The following PROM1 variants were observed in gnomAD, a reference collection of about 807,000 sequenced individuals.
The protein encoded by PROM1 is prominin-1.
PROM1 carries 105 observed loss-of-function variants against 116.9 expected under a neutral mutation model. The observed-to-expected ratio is 0.90, with a 90% CI of 0.77 to 1.06. The LOEUF (loss-of-function observed/expected upper bound fraction) is 1.06, where lower values mean the gene tolerates loss of function less well. Ranked by LOEUF, PROM1 falls within the 50% of genes least tolerant of loss-of-function variation. The pLI is 0.00. For missense variants in PROM1, 1,122 were observed against 1,045.2 expected (o/e 1.07, Z -1.01); for synonymous variants, 393 against 387.0 (o/e 1.02, Z -0.18).
chr4:16,001,148 T>A (rs1048531601), intron 13 of PROM1, among the ~76,000 whole-genome samples: 1 of 151,858 alleles, frequency 6.6e-6, no homozygotes. Flanking sequence ...TGGTGGATGA[T>A]GGAGATGTAA....
intron 2 of PROM1, among the ~76,000 whole-genome samples, chr4:16,044,861 GA>G: frequency 6.6e-6 from 1 of 152,092 alleles, no homozygotes; most frequent in East Asian, 1.9e-4. Flanking sequence ...AAACCAAGTA[GA>G]ACTGACAAGC....
chr4:15,994,257 G>T (rs994206156), intron 15 of PROM1, among the ~76,000 whole-genome samples, 186 bp from the exon 16 acceptor site: 5 of 152,142 alleles, frequency 3.3e-5, no homozygotes, highest in African/African-American at 1.2e-4. Flanking sequence ...TTCTTGCCTT[G>T]CTTTACTAAC....
chr4:15,979,962 G>T, intron 24 of PROM1, 58 bp from the exon 25 acceptor site: 1 of 1,019,428 alleles, frequency 9.8e-7, no homozygotes, highest in Non-Finnish European at 1.4e-6. Flanking sequence ...TGAAAGCTCA[G>T]CAACTACATC....
intron 19 of PROM1, among the ~76,000 whole-genome samples, 161 bp from the exon 20 acceptor site, chr4:15,987,877 C>CT (rs56144936): frequency 0.54 from 71,895 of 132,276 alleles, 20,042 homozygotes; most frequent in Non-Finnish European, 0.57. Context: ...TGTGTACTTT[C>CT]TTTTTTTTTT....
At chr4:16,076,904 G>A (rs1463096757) in intron 1 of PROM1, among the ~76,000 whole-genome samples, 2 of 152,272 alleles carry the variant, frequency 1.3e-5, no homozygotes, top group Non-Finnish European at 2.9e-5. Context: ...CTCGTTAAGA[G>A]TCATCACCAC....
intron 13 of PROM1, among the ~76,000 whole-genome samples, chr4:16,001,904 A>G (rs1376087525): frequency 6.6e-6 from 1 of 152,200 alleles, no homozygotes; most frequent in Non-Finnish European, 1.5e-5. Flanking sequence ...GGAAGAGAAT[A>G]AAGACATGGA....
At chr4:16,019,983 C>T (rs758961123) in intron 8 of PROM1, among the ~76,000 whole-genome samples, 4 of 152,192 alleles carry the variant, frequency 2.6e-5, no homozygotes, top group African/African-American at 9.7e-5. Context: ...TACAGCACAT[C>T]TGGCAAACTC....
intron 14 of PROM1, among the ~76,000 whole-genome samples, chr4:15,998,748 C>T (rs938769890): frequency 2.0e-5 from 3 of 151,720 alleles, no homozygotes; most frequent in Admixed American, 6.6e-5. Flanking sequence ...CAGAGTCTTG[C>T]TCTGTTGCCC....
At chr4:16,028,108 G>C (rs987405913) in intron 5 of PROM1, among the ~76,000 whole-genome samples, 2 of 152,058 alleles carry the variant, frequency 1.3e-5, no homozygotes, top group Non-Finnish European at 2.9e-5. Context: ...TTGAGCCCAG[G>C]AGTTCCAAGT....
At chr4:16,000,412 C>T in intron 14 of PROM1, 84 bp downstream of exon 14, 2 of 1,222,094 alleles carry the variant, frequency 1.6e-6, no homozygotes, top group Non-Finnish European at 2.2e-6. Flanking sequence ...TAAGTTTGCA[C>T]TGCTCTTAAA....
intron 8 of PROM1, 84 bp from the exon 9 acceptor site, chr4:16,018,624 A>C: frequency 4.8e-6 from 6 of 1,254,622 alleles, no homozygotes; most frequent in Non-Finnish European, 6.8e-6. Context: ...CTTGGGATGG[A>C]CTGGTAAATG....
At chr4:16,050,408 C>T (rs929990371) in intron 2 of PROM1, among the ~76,000 whole-genome samples, 2 of 152,214 alleles carry the variant, frequency 1.3e-5, no homozygotes, top group African/African-American at 4.8e-5. Context: ...TGCTAGAGTG[C>T]AGTGGCACGA....
At chr4:15,987,560 T>G in intron 20 of PROM1, 103 bp downstream of exon 20, 1 of 1,246,054 alleles carries the variant, frequency 8.0e-7, no homozygotes, top group Non-Finnish European at 1.1e-6. Context: ...AACTGAGGCT[T>G]TTTTTTTCAA....
chr4:16,075,502 C>G (rs1207683583), intron 2 of PROM1, among the ~76,000 whole-genome samples, 185 bp downstream of exon 2: 1 of 152,202 alleles, frequency 6.6e-6, no homozygotes, highest in Non-Finnish European at 1.5e-5. Context: ...CTTATAATAA[C>G]ATTCCTCGCA....
chr4:16,059,679 C>T (rs1401305073), intron 2 of PROM1, among the ~76,000 whole-genome samples: 3 of 152,108 alleles, frequency 2.0e-5, no homozygotes, highest in Admixed American at 2.0e-4. Flanking sequence ...AGTCCAGCCT[C>T]AGTGAAAAGT....
chr4:16,058,380 A>C (rs1739516237), intron 2 of PROM1, among the ~76,000 whole-genome samples: 1 of 152,246 alleles, frequency 6.6e-6, no homozygotes, highest in Non-Finnish European at 1.5e-5. Context: ...ATCAAAACTC[A>C]AATGATAAAC....
At chr4:16,077,972 C>A (rs1314165252) in intron 1 of PROM1, 1 of 152,260 alleles carries the variant, frequency 6.6e-6, no homozygotes, top group African/African-American at 2.4e-5. Context: ...GACACATGTG[C>A]AACACTGGAA....
chr4:16,045,745 A>G (rs536784156), intron 2 of PROM1, among the ~76,000 whole-genome samples: 1 of 152,350 alleles, frequency 6.6e-6, no homozygotes, highest in South Asian at 2.1e-4. Context: ...AGACATCTTC[A>G]CTGAAATATA....
chr4:15,971,230 G>GACAAAACACTGGTTAC (rs1714471803), intron 26 of PROM1, 148 bp from the exon 27 acceptor site: 1 of 594,944 alleles, frequency 1.7e-6, no homozygotes, highest in Non-Finnish European at 2.9e-6. Context: ...GAATGTGTCA[G>GACAAAACACTGGTTAC]ACAAAACACT....
Sources: gnomAD v4.1 joint callset for allele counts (sites outside exome capture counted in the v4.1 genomes callset) on GRCh38, gnomAD v4.1.1 for gene constraint, MANE v1.5 for transcripts, NCBI Gene and HGNC (gene_info 2026-07-23, HGNC 2026-07-21) for gene names.